The following ST3GAL3 variants were observed in gnomAD, a reference collection of about 807,000 sequenced individuals.
ST3GAL3 encodes the protein CMP-N-acetylneuraminate-beta-1,4-galactoside alpha-2,3-sialyltransferase.
Under a neutral mutation model 50.1 loss-of-function variants are expected in ST3GAL3, and 21 were observed. The observed-to-expected ratio is 0.42, with a 90% CI of 0.30 to 0.60. The LOEUF is 0.60. Among genes scored for constraint, ST3GAL3 ranks in the 20% least tolerant of loss-of-function variants. The pLI, the probability that ST3GAL3 is intolerant of heterozygous loss-of-function variation, is 0.19. For synonymous variants in ST3GAL3, 183 were observed against 190.0 expected (o/e 0.96, Z 0.30); for missense variants, 353 against 489.4 (o/e 0.72, Z 2.63).
At chr1:43,924,535 G>C (rs572847608) in intron 11 of ST3GAL3, among the ~76,000 whole-genome samples, 2 of 152,224 alleles carry the variant, frequency 1.3e-5, no homozygotes, top group East Asian at 3.8e-4. Context: ...GGAGACATGG[G>C]TGAGTTTGAG....
chr1:43,738,054 G>A (rs1679224388), intron 2 of ST3GAL3: 1 of 152,026 alleles, frequency 6.6e-6, no homozygotes, highest in Non-Finnish European at 1.5e-5. Context: ...TTATTTTATT[G>A]AAAAATATAA....
chr1:43,824,957 A>G (rs1212312063), intron 4 of ST3GAL3: 1 of 716,214 alleles, frequency 1.4e-6, no homozygotes, highest in African/African-American at 1.7e-5. Flanking sequence ...TTCCTGTCTC[A>G]GGAAGTCTCC....
At chr1:43,746,483 G>T (rs1683709204) in intron 2 of ST3GAL3, among the ~76,000 whole-genome samples, 1 of 142,326 alleles carries the variant, frequency 7.0e-6, no homozygotes, top group Admixed American at 7.1e-5. Flanking sequence ...TTTTTTTTGA[G>T]ATGGAGTCTC....
intron 1 of ST3GAL3, among the ~76,000 whole-genome samples, chr1:43,722,242 T>G (rs1670847035): frequency 6.6e-6 from 1 of 152,078 alleles, no homozygotes; most frequent in Non-Finnish European, 1.5e-5. Context: ...CAGGAGGGCT[T>G]CAGCCTGACA....
Position 43,899,656 on chromosome 1 carries a change from C to A in ST3GAL3, c.673C>A (p.Leu225Ile), listed in dbSNP as rs1382087883. The A allele has an allele frequency of 6.2e-7, 1 of 1,614,196 alleles. No homozygotes were observed. The highest frequency in any genetic ancestry group is 8.5e-7 in the Non-Finnish European group (1 of 1,180,050). ...GCCTGAGCAGTACGAGCGCGATTCT[C>A]TCTTTGTCCTCGCCGGCTTCAAGTG... is the stretch of plus-strand genomic sequence containing the variant. ...QRPEQYERDS[L>I]FVLAGFKWQD... Residue 225 changes from leucine to isoleucine, a missense_variant, in exon 9 of 12, where the codon CTC (leucine) becomes ATC (isoleucine). Transcript: ENST00000347631. The surrounding 1 kb of genome is among the most constrained non-coding windows in gnomAD (Gnocchi z 5.4).
chr1:43,842,679 A>G (rs1323275708), intron 5 of ST3GAL3: 1 of 151,276 alleles, frequency 6.6e-6, no homozygotes, highest in Non-Finnish European at 1.5e-5. Flanking sequence ...GGTGGTGTAC[A>G]CCTGTAGTCC....
intron 1 of ST3GAL3, among the ~76,000 whole-genome samples, chr1:43,725,469 G>T (rs1469895717): frequency 6.6e-6 from 1 of 152,104 alleles, no homozygotes; most frequent in Admixed American, 6.6e-5. Flanking sequence ...AAAGTGCTGG[G>T]ATTACAGCAT....
At chr1:43,785,021 ACTTTT>A (rs759441741) in intron 2 of ST3GAL3, among the ~76,000 whole-genome samples, 132 of 152,130 alleles carry the variant, frequency 8.7e-4, no homozygotes, top group East Asian at 5.8e-4. Context: ...TTCTCCTCAG[ACTTTT>A]CTTTTCTCTG....
chr1:43,849,716 C>T (rs2066922163), intron 5 of ST3GAL3, among the ~76,000 whole-genome samples: 2 of 152,188 alleles, frequency 1.3e-5, no homozygotes, highest in Non-Finnish European at 2.9e-5. Flanking sequence ...ACCCTTTCTA[C>T]ACCATACTTT....
At chr1:43,833,571 A>C (rs1047153706) in intron 4 of ST3GAL3, among the ~76,000 whole-genome samples, 6 of 152,178 alleles carry the variant, frequency 3.9e-5, no homozygotes, top group Non-Finnish European at 7.3e-5. Flanking sequence ...CCCACTTTTA[A>C]AGATGTGCAA....
chr1:43,929,310 A>ATTTT (rs879289204), intron 11 of ST3GAL3, among the ~76,000 whole-genome samples: 11 of 76,582 alleles, frequency 1.4e-4, no homozygotes, highest in African/African-American at 3.7e-4. Context: ...TTTAATTATT[A>ATTTT]TTTTTTTTTT....
At chr1:43,908,304 A>C (rs2080167818) in intron 9 of ST3GAL3, among the ~76,000 whole-genome samples, 1 of 152,130 alleles carries the variant, frequency 6.6e-6, no homozygotes, top group African/African-American at 2.4e-5. Context: ...ATTCTAAAGA[A>C]TCCTCCTAAA....
intron 11 of ST3GAL3, among the ~76,000 whole-genome samples, chr1:43,926,128 G>A (rs1250422607): frequency 6.6e-6 from 1 of 152,216 alleles, no homozygotes; most frequent in East Asian, 1.9e-4. Context: ...CTGTCACACA[G>A]CAGAGAAGTC....
chr1:43,729,498 T>G (rs1674653516), intron 1 of ST3GAL3, among the ~76,000 whole-genome samples: 1 of 152,214 alleles, frequency 6.6e-6, no homozygotes, highest in Non-Finnish European at 1.5e-5. Context: ...TGGGAAATCT[T>G]GTTCCCATTA....
intron 2 of ST3GAL3, among the ~76,000 whole-genome samples, chr1:43,784,241 G>C (rs1233404294): frequency 6.6e-6 from 1 of 152,154 alleles, no homozygotes; most frequent in Non-Finnish European, 1.5e-5. Context: ...AGGCGTGGTG[G>C]CTCGTGCCTG....
chr1:43,904,511 A>G (rs2078819088), intron 9 of ST3GAL3, among the ~76,000 whole-genome samples: 1 of 151,972 alleles, frequency 6.6e-6, no homozygotes, highest in South Asian at 2.1e-4. Context: ...TGGGAGGGCC[A>G]GGAGATTTCA....
chr1:43,731,404 A>G, intron 1 of ST3GAL3, among the ~76,000 whole-genome samples: 2 of 75,886 alleles, frequency 2.6e-5, no homozygotes, highest in African/African-American at 5.3e-5. Context: ...TTTTTTTTTG[A>G]GATGGAGTCT....
intron 2 of ST3GAL3, among the ~76,000 whole-genome samples, chr1:43,743,237 A>C (rs1681827995): frequency 6.6e-6 from 1 of 151,628 alleles, no homozygotes; most frequent in African/African-American, 2.4e-5. Context: ...GACTTACAGA[A>C]CCAAAACAGA....
rs1354873293 is a variant in ST3GAL3, at chr1:43,736,282, T to G, written c.20T>G (p.Val7Gly). The G allele has an allele frequency of 6.2e-7, 1 of 1,614,214 alleles. No individual in the cohort carries two copies. The highest frequency in any genetic ancestry group is 8.5e-7 in the Non-Finnish European group (1 of 1,180,020). Residue 7 changes from valine (V) to glycine (G), a missense_variant, in exon 2 of 12, where the codon GTG (valine) becomes GGG (glycine). By Grantham distance (109) the Val-to-Gly change is moderately radical (BLOSUM62 -3). Coordinates refer to ENST00000347631, the MANE Select transcript of ST3GAL3 (RefSeq NM_006279.5). Reference protein sequence around the residue: MGLLVFVRNLLLALCLF... With the variant: MGLLVFGRNLLLALCLF... ...GTGAAGATGGGACTCTTGGTATTTGTGCGCAATCTGCTGCTAGCCCTCTGC... is the reference window on the plus strand; with the variant it reads ...GTGAAGATGGGACTCTTGGTATTTGGGCGCAATCTGCTGCTAGCCCTCTGC...
Sources: allele counts gnomAD v4.1 joint callset (sites outside exome capture counted in the v4.1 genomes callset), GRCh38; gene constraint gnomAD v4.1.1; non-coding constraint Gnocchi (gnomAD v3.1); transcripts MANE v1.5; gene names NCBI Gene and HGNC (gene_info 2026-07-23, HGNC 2026-07-21).